ADK: variants seen among roughly 807,000 people sequenced by gnomAD.
ADK encodes N6,N6-dimethyladenosine kinase.
Under a neutral mutation model 44.7 loss-of-function variants are expected in ADK, and 24 were observed. The observed-to-expected ratio is 0.54, with a 90% CI of 0.39 to 0.76. The LOEUF (loss-of-function observed/expected upper bound fraction) is 0.76. Among genes scored for constraint, ADK ranks in the 30% least tolerant of loss-of-function variants. The probability of loss-of-function intolerance (pLI) is 0.00; values close to 1 mark genes in which losing one functional copy is unlikely to be tolerated. For missense variants in ADK, 321 were observed against 425.1 expected, an observed-to-expected ratio of 0.76 and a Z score of 2.15; for synonymous variants, 128 against 142.6, an observed-to-expected ratio of 0.90 and a Z score of 0.73.
intron 4 of ADK, among the ~76,000 whole-genome samples, chr10:74,393,550 T>C (rs1564695700): frequency 6.6e-6 from 1 of 152,208 alleles, no homozygotes; most frequent in Non-Finnish European, 1.5e-5. Flanking sequence ...ATGACAATCA[T>C]AGTAACAGCC....
At chr10:74,645,260 C>T (rs537288719) in intron 9 of ADK, among the ~76,000 whole-genome samples, 1 of 152,230 alleles carries the variant, frequency 6.6e-6, no homozygotes, top group African/African-American at 2.4e-5. Context: ...TATTTTTCTA[C>T]TTCTCTGTTC....
chr10:74,191,419 A>T (rs1037730049), intron 1 of ADK, among the ~76,000 whole-genome samples: 5 of 151,752 alleles, frequency 3.3e-5, no homozygotes, highest in South Asian at 2.1e-4. Flanking sequence ...AAATATAAAG[A>T]CAGGGTCTCA....
intron 6 of ADK, among the ~76,000 whole-genome samples, chr10:74,453,419 G>A (rs1845842350): frequency 6.6e-6 from 1 of 152,062 alleles, no homozygotes; most frequent in Middle Eastern, 3.2e-3. Flanking sequence ...GCAGCCATGT[G>A]AGAATGGTTC....
chr10:74,490,139 C>T (rs116237152), intron 6 of ADK, among the ~76,000 whole-genome samples: 2,482 of 151,996 alleles, frequency 0.016, 64 homozygotes, highest in African/African-American at 0.057. Context: ...AAATCCATGA[C>T]ATCTGAATTT....
At chr10:74,473,749 T>C (rs1846699842) in intron 6 of ADK, among the ~76,000 whole-genome samples, 1 of 152,210 alleles carries the variant, frequency 6.6e-6, no homozygotes, top group Non-Finnish European at 1.5e-5. Flanking sequence ...GTGGTGTCCA[T>C]TGGGTTTCTC....
chr10:74,383,410 C>CTCTGTCTCTG (rs1436365685), intron 4 of ADK, among the ~76,000 whole-genome samples: 19 of 150,642 alleles, frequency 1.3e-4, no homozygotes, highest in South Asian at 2.1e-4. Flanking sequence ...CTGTCTCTGT[C>CTCTGTCTCTG]TCTCTCTCTC....
At chr10:74,542,775 C>T (rs1849683421) in intron 7 of ADK, among the ~76,000 whole-genome samples, 1 of 152,130 alleles carries the variant, frequency 6.6e-6, no homozygotes, top group African/African-American at 2.4e-5. Flanking sequence ...TGAAAGGTAG[C>T]ACACTATAGA....
At chr10:74,677,478 G>T (rs1298987229) in intron 10 of ADK, among the ~76,000 whole-genome samples, 6 of 151,964 alleles carry the variant, frequency 3.9e-5, no homozygotes, top group African/African-American at 1.2e-4. Flanking sequence ...CTTCTTAATT[G>T]CTGCTTCATT....
intron 10 of ADK, among the ~76,000 whole-genome samples, chr10:74,679,818 A>G (rs558533677): frequency 6.6e-6 from 1 of 151,986 alleles, no homozygotes; most frequent in Non-Finnish European, 1.5e-5. Flanking sequence ...AAAATTAGCA[A>G]GGTGTGGTGG....
At chr10:74,474,387 C>A (rs1458491750) in intron 6 of ADK, among the ~76,000 whole-genome samples, 1 of 152,176 alleles carries the variant, frequency 6.6e-6, no homozygotes. Context: ...ACATGTGTGA[C>A]CCACCACACC....
At chr10:74,310,053 T>A (rs188641434) in intron 3 of ADK, among the ~76,000 whole-genome samples, 2 of 152,098 alleles carry the variant, frequency 1.3e-5, no homozygotes, top group East Asian at 3.8e-4. Flanking sequence ...TTTCTTCCAA[T>A]GATAATTAAT....
At chr10:74,327,917 AT>A (rs1353667930) in intron 4 of ADK, among the ~76,000 whole-genome samples, 2 of 151,886 alleles carry the variant, frequency 1.3e-5, no homozygotes, top group African/African-American at 4.8e-5. Context: ...CACATTTTGA[AT>A]TTTTTTCTGA....
chr10:74,221,553 A>G (rs1236738472), intron 2 of ADK, among the ~76,000 whole-genome samples: 3 of 150,988 alleles, frequency 2.0e-5, no homozygotes, highest in Non-Finnish European at 4.4e-5. Flanking sequence ...AAAAGAGCTC[A>G]CATCGCCAAG....
chr10:74,612,804 T>C (rs1264703275), intron 9 of ADK, among the ~76,000 whole-genome samples: 2 of 152,168 alleles, frequency 1.3e-5, no homozygotes, highest in Non-Finnish European at 2.9e-5. Context: ...AATTTTTGTA[T>C]ATGGTGAGAG....
chr10:74,416,503 T>A (rs117731484), intron 6 of ADK, among the ~76,000 whole-genome samples: 4,529 of 151,990 alleles, frequency 0.03, 120 homozygotes, highest in Middle Eastern at 0.051. Context: ...TTTTTAAAAA[T>A]TTATTTATCT....
At chr10:74,567,306 G>A (rs1283258348) in intron 7 of ADK, among the ~76,000 whole-genome samples, 1 of 151,998 alleles carries the variant, frequency 6.6e-6, no homozygotes, top group African/African-American at 2.4e-5. Context: ...TTCACTTATT[G>A]TCTTCCCTTT....
At position 74,410,318 on chromosome 10, in the gene ADK, A is replaced by G. The variant is rs190223267; in HGVS notation, c.555+11739A>G. On this transcript the variant is annotated intron_variant, in intron 6 of 10. Transcript: ENST00000539909. ...ATTTGAGAAAGTTTCAGTGAAAGTG[A>G]ATTAAGTTGTTTTGTAATGGTAACC... Among the ~76,000 whole-genome samples, 67 of 152,250 alleles carry G rather than the reference A, an allele frequency of 4.4e-4. No individual in the cohort carries two copies. The East Asian group carries it at 0.012, about 26-fold the overall frequency.
At chr10:74,186,247 C>T (rs551470413) in intron 1 of ADK, among the ~76,000 whole-genome samples, 30 of 150,848 alleles carry the variant, frequency 2.0e-4, no homozygotes, top group African/African-American at 6.3e-4. Flanking sequence ...CTTCCCCTTC[C>T]GCCTTTCCCC....
intron 6 of ADK, among the ~76,000 whole-genome samples, chr10:74,441,432 A>C (rs1468329008): frequency 1.3e-5 from 2 of 152,234 alleles, no homozygotes; most frequent in African/African-American, 4.8e-5. Flanking sequence ...TTTACACAAA[A>C]ATGTGTATAT....
Sources: allele counts gnomAD v4.1 joint callset (sites outside exome capture counted in the v4.1 genomes callset), GRCh38; gene constraint gnomAD v4.1.1; transcripts MANE v1.5; gene names NCBI Gene and HGNC (gene_info 2026-07-23, HGNC 2026-07-21).